RAD54B: variants seen among roughly 807,000 people sequenced by gnomAD.
RAD54B encodes the protein RAD54 homolog B, also known as DNA repair and recombination protein RAD54B.
A neutral mutation model predicts 95.8 loss-of-function variants in RAD54B; 78 were observed. That is an observed-to-expected ratio of 0.81 (90% CI 0.68 to 0.98). RAD54B has a LOEUF of 0.98. Ranked by LOEUF, RAD54B falls within the 50% of genes least tolerant of loss-of-function variation. The pLI is 0.00. For synonymous variants in RAD54B, 328 were observed against 354.9 expected, an observed-to-expected ratio of 0.92 and a Z score of 0.85; for missense variants, 957 against 1,056.6, an observed-to-expected ratio of 0.91 and a Z score of 1.31.
At chr8:94,408,813 T>C (rs562724666) in intron 4 of RAD54B, among the ~76,000 whole-genome samples, 1 of 152,276 alleles carries the variant, frequency 6.6e-6, no homozygotes, top group East Asian at 1.9e-4. Flanking sequence ...ACTGTTAATC[T>C]CAGTTTTACA....
chr8:94,427,653 A>AT, intron 3 of RAD54B: 1 of 936,666 alleles, frequency 1.1e-6, no homozygotes, highest in Non-Finnish European at 1.3e-6. Context: ...TCATCAAAAA[A>AT]TTTTACCTCT....
chr8:94,446,739 G>A (rs141423669), intron 3 of RAD54B, among the ~76,000 whole-genome samples: 4 of 152,186 alleles, frequency 2.6e-5, no homozygotes, highest in Non-Finnish European at 4.4e-5. Flanking sequence ...GTTGTGTGGC[G>A]TTATACCCAA....
intron 3 of RAD54B, among the ~76,000 whole-genome samples, chr8:94,447,105 G>C (rs1812540077): frequency 6.6e-6 from 1 of 152,124 alleles, no homozygotes; most frequent in Non-Finnish European, 1.5e-5. Flanking sequence ...GTGATATTCT[G>C]TGATGTTAAG....
At chr8:94,390,398 G>C (rs1302626484) in intron 10 of RAD54B, among the ~76,000 whole-genome samples, 5 of 151,438 alleles carry the variant, frequency 3.3e-5, no homozygotes, top group Non-Finnish European at 1.5e-5. Flanking sequence ...TACTCGGGAG[G>C]CTGAGGCAGG....
intron 11 of RAD54B, among the ~76,000 whole-genome samples, chr8:94,386,039 A>G (rs1810883418): frequency 6.6e-6 from 1 of 152,224 alleles, no homozygotes; most frequent in South Asian, 2.1e-4. Flanking sequence ...AGGAGTGACA[A>G]GTTCATATTT....
intron 3 of RAD54B, among the ~76,000 whole-genome samples, chr8:94,414,867 G>A (rs944138702): frequency 3.3e-5 from 5 of 151,998 alleles, no homozygotes; most frequent in African/African-American, 4.8e-5. Context: ...AAATAAAAGA[G>A]GATACAAACA....
chr8:94,386,923 TA>T, intron 11 of RAD54B, 60 bp downstream of exon 11: 1 of 1,202,374 alleles, frequency 8.3e-7, no homozygotes, highest in Non-Finnish European at 1.1e-6. Context: ...AAGTAGGAAG[TA>T]AAGAAATAGT....
intron 3 of RAD54B, among the ~76,000 whole-genome samples, chr8:94,433,373 C>G (rs1294354816): frequency 1.3e-5 from 2 of 151,944 alleles, no homozygotes; most frequent in African/African-American, 4.8e-5. Context: ...TAATCCACAA[C>G]TGTATACTCA....
intron 3 of RAD54B, among the ~76,000 whole-genome samples, chr8:94,448,518 C>T (rs1160798522): frequency 3.9e-5 from 6 of 152,036 alleles, no homozygotes; most frequent in Middle Eastern, 3.2e-3. Flanking sequence ...CTCCCATGTT[C>T]GCTGCATCAT....
chr8:94,440,502 T>A (rs1812373418), intron 3 of RAD54B, among the ~76,000 whole-genome samples: 1 of 152,236 alleles, frequency 6.6e-6, no homozygotes, highest in African/African-American at 2.4e-5. Flanking sequence ...TATGAATCAC[T>A]GCCAGTTTAT....
Position 94,404,223 on chromosome 8 carries a change from T to C in RAD54B, c.798A>G (p.Pro266=), listed in dbSNP as rs1234420813. Residue 266 remains proline, a synonymous_variant, in exon 6 of 15, where the codon CCA becomes CCG. Coordinates refer to ENST00000336148, the MANE Select transcript of RAD54B (RefSeq NM_012415.3). ...DPYTPNSLVM[P]RPDKNHQWVF... is the part of the protein sequence containing the mutation. ...CCCACTGGTGATTCTTATCTGGTCG[T>C]GGCATAACGAGGGAATCTTAAAAAA... The C allele has an allele frequency of 6.3e-7, 1 of 1,590,750 alleles. No homozygotes were observed. The highest frequency in any genetic ancestry group is 8.5e-7 in the Non-Finnish European group (1 of 1,172,954).
intron 3 of RAD54B, among the ~76,000 whole-genome samples, chr8:94,411,729 A>G (rs896059279): frequency 6.6e-6 from 1 of 150,530 alleles, no homozygotes; most frequent in Non-Finnish European, 1.5e-5. Flanking sequence ...GAGTTCTCTG[A>G]AAGTAAAACC....
At chr8:94,392,473 G>A (rs1303037013) in intron 9 of RAD54B, among the ~76,000 whole-genome samples, 1 of 152,122 alleles carries the variant, frequency 6.6e-6, no homozygotes, top group Admixed American at 6.5e-5. Flanking sequence ...TGTCGGCCAG[G>A]CTGATCTTAA....
At chr8:94,382,616 T>G (rs1446077569) in intron 11 of RAD54B, among the ~76,000 whole-genome samples, 4 of 152,184 alleles carry the variant, frequency 2.6e-5, no homozygotes, top group African/African-American at 7.2e-5. Flanking sequence ...TTAATATGAT[T>G]TGGCTCTGTG....
At chr8:94,470,276 C>T (rs1181155698) in intron 1 of RAD54B, among the ~76,000 whole-genome samples, 3 of 151,774 alleles carry the variant, frequency 2.0e-5, no homozygotes, top group Non-Finnish European at 4.4e-5. Flanking sequence ...GCCAGGCTAA[C>T]ATGGTGAAAC....
At position 94,386,580 on chromosome 8, in the gene RAD54B, GTGTGTGTGTGTGTGCA is replaced by G. The variant is rs1444284860; in HGVS notation, c.1985+388_1985+403del. On this transcript the variant is annotated intron_variant, in intron 11 of 14. Coordinates refer to ENST00000336148, the MANE Select transcript of RAD54B (RefSeq NM_012415.3). ...ACACTGGACCACATGGTATGGTTGT[GTGTGTGTGTGTGTGCA>G]TGTGTGTGTGCAATAGTTGAAAGTA... Among the ~76,000 whole-genome samples, 14 of 138,946 alleles carry G rather than the reference GTGTGTGTGTGTGTGCA, an allele frequency of 1.0e-4. No homozygotes were observed. The East Asian group carries it at 2.4e-3, about 24-fold the overall frequency. 91.2% of individuals were successfully genotyped at this position (138,946 alleles called of 152,430 possible).
rs1463017352 is a variant in RAD54B at position 94,391,626 on chromosome 8, A to G, written c.1792T>C (p.Leu598=). Residue 598 remains leucine (L), a synonymous_variant, in exon 10 of 15, where the codon TTG becomes CTG. Coordinates refer to ENST00000336148, the MANE Select transcript of RAD54B (RefSeq NM_012415.3). ...LKKLCNHPCL[L]FNSIKEKECS... ...GCACTTACCTTTATAGAGTTGAACA[A>G]AAGGCAGGGGTGATTGCACAGTTTT... 6.2e-7 allele frequency: 1 copy of G among 1,613,518 alleles called. No homozygotes were observed. The highest frequency in any genetic ancestry group is 2.2e-5 in the East Asian group (1 of 44,852).
At chr8:94,385,438 T>A (rs1320736946) in intron 11 of RAD54B, among the ~76,000 whole-genome samples, 1 of 152,026 alleles carries the variant, frequency 6.6e-6, no homozygotes, top group East Asian at 1.9e-4. Context: ...TGGGTCACAA[T>A]CTGCATATGT....
intron 14 of RAD54B, 139 bp from the exon 15 acceptor site, chr8:94,372,526 C>G: frequency 7.1e-7 from 1 of 1,410,414 alleles, no homozygotes; most frequent in Non-Finnish European, 9.3e-7. Context: ...CAAATTCATT[C>G]TTTTTACAAA....
Sources: gnomAD v4.1 joint callset for allele counts (sites outside exome capture counted in the v4.1 genomes callset) on GRCh38, gnomAD v4.1.1 for gene constraint, MANE v1.5 for transcripts, NCBI Gene and HGNC (gene_info 2026-07-23, HGNC 2026-07-21) for gene names.